Variants in ABCA12 observed in about 807,000 individuals in gnomAD.
The protein encoded by ABCA12 is glucosylceramide transporter ABCA12.
In ABCA12, 156 loss-of-function variants were observed where a neutral mutation model predicts 293.5. The observed-to-expected ratio is 0.53, with a 90% CI of 0.47 to 0.61. ABCA12 has a LOEUF of 0.61. ABCA12 is among the 20% of genes least tolerant of loss of function. The pLI, the probability that ABCA12 is intolerant of heterozygous loss-of-function variation, is 0.00. For synonymous variants in ABCA12, 1,063 were observed against 1,108.0 expected, an observed-to-expected ratio of 0.96 and a Z score of 0.81; for missense variants, 2,797 against 3,090.2, an observed-to-expected ratio of 0.91 and a Z score of 2.25.
At chr2:215,078,307 A>G (rs10197776) in intron 2 of ABCA12, among the ~76,000 whole-genome samples, 2,978 of 152,276 alleles carry the variant, frequency 0.02, 116 homozygotes, top group African/African-American at 0.068. Flanking sequence ...TCATTGGCAA[A>G]CTCAGGCCAG....
rs141042336 is a variant in ABCA12 at position 215,010,466 on chromosome 2, T to A, written c.2337A>T (p.Pro779=). Residue 779 remains proline, a synonymous_variant, in exon 18 of 53, where the codon CCA becomes CCT. Transcript: ENST00000272895. ...SKYGIPINST[P]FCFSLYKDII... ...TGTCTTTATAAAGGGAGAAGCAAAA[T>A]GGTGCTGGAAGGAAAAAGTGAAATA... The A allele has an allele frequency of 1.9e-5, 30 of 1,613,328 alleles. No homozygotes were observed. The African/African-American group carries it at 3.6e-4, about 19-fold the overall frequency.
At chr2:215,085,967 G>A (rs1347077380) in intron 2 of ABCA12, among the ~76,000 whole-genome samples, 1 of 152,212 alleles carries the variant, frequency 6.6e-6, no homozygotes, top group Non-Finnish European at 1.5e-5. Flanking sequence ...GAAGAAGTCA[G>A]GATCTCTGGA....
intron 50 of ABCA12, among the ~76,000 whole-genome samples, chr2:214,939,612 C>T (rs1279807068): frequency 1.3e-5 from 2 of 152,044 alleles, no homozygotes; most frequent in African/African-American, 4.8e-5. Flanking sequence ...AATGTTTTTC[C>T]ATTTGTTTGT....
chr2:214,947,064 A>T (rs953481820), intron 48 of ABCA12, among the ~76,000 whole-genome samples: 1 of 152,162 alleles, frequency 6.6e-6, no homozygotes, highest in Admixed American at 6.6e-5. Context: ...TAACAGAAAA[A>T]GAGAGATGAT....
In ABCA12 at chr2:215,011,613, C is replaced by A. The variant is rs746892821; in HGVS notation, c.2158G>T (p.Gly720Ter). 1.9e-6 allele frequency: 3 copies of A among 1,614,020 alleles called. No homozygotes were observed. In the Admixed American group the frequency reaches 5.0e-5, roughly 27 times the overall value. ...GCTTGGGAGATGGTGCTAAATGATC[C>A]TTGTGGTGTGTTCATTCGGTTGCTT... ...YRSNRMNTPQ[G>*]SFSTISQALC... is the part of the protein sequence containing the mutation. Residue 720 changes from glycine to a stop codon, truncating the protein, a stop_gained, in exon 17 of 53, where the codon GGA becomes TGA. Coordinates refer to ENST00000272895, the MANE Select transcript of ABCA12 (RefSeq NM_173076.3). LOFTEE classifies it high-confidence loss of function.
intron 17 of ABCA12, 134 bp from the exon 18 acceptor site, chr2:215,010,604 G>T: frequency 9.8e-7 from 1 of 1,020,988 alleles, no homozygotes; most frequent in Non-Finnish European, 1.5e-6. Context: ...ATTAACAGAT[G>T]TGAGGCATCT....
intron 2 of ABCA12, among the ~76,000 whole-genome samples, chr2:215,095,371 A>T (rs1013764845): frequency 2.0e-5 from 3 of 152,020 alleles, no homozygotes; most frequent in African/African-American, 7.2e-5. Flanking sequence ...TCTTATTCGG[A>T]CCTTGTGTCT....
intron 23 of ABCA12, among the ~76,000 whole-genome samples, chr2:214,992,728 G>T (rs1036623163): frequency 6.6e-6 from 1 of 151,752 alleles, no homozygotes; most frequent in Non-Finnish European, 1.5e-5. Context: ...CGGGCATGGT[G>T]GTGGTGCCTG....
At chr2:214,986,505 T>C in intron 28 of ABCA12, 37 bp downstream of exon 28, 2 of 1,592,574 alleles carry the variant, frequency 1.3e-6, no homozygotes, top group Middle Eastern at 3.3e-4. Context: ...TTTTGTAACA[T>C]GCTTCCATGG....
At position 214,974,997 on chromosome 2, in the gene ABCA12, G is replaced by A. The variant is rs186312029; in HGVS notation, c.5382-133C>T. On this transcript the variant is annotated intron_variant, in intron 34 of 52. Coordinates refer to ENST00000272895, the MANE Select transcript of ABCA12 (RefSeq NM_173076.3). ...TTCTTTTTTGAGACAGAGTCTTGCCGTGTTGCCCAGGCTGGAGTGCAGTAG... is the reference window on the plus strand; with the variant it reads ...TTCTTTTTTGAGACAGAGTCTTGCCATGTTGCCCAGGCTGGAGTGCAGTAG... The A allele has an allele frequency of 9.3e-4, 743 of 797,958 alleles. 2 individuals are homozygous for A. Among genetic ancestry groups the A allele is most frequent in the South Asian group, 5.6e-3 (374 of 67,090 alleles). The allele number at this position is 797,958 out of a possible 1,614,324, so 49.4% of individuals were successfully genotyped here.
chr2:215,023,959 C>T lies in ABCA12; in HGVS notation c.1287+1714G>A, dbSNP rs376816765. On this transcript the variant is annotated intron_variant, in intron 11 of 52. Transcript: ENST00000272895. ...CAAGGAAGTCAGGATCTAGGCTCAG[C>T]CTCACCCTGCAGCCCTGTTTTCTGC... 1.4e-4 allele frequency among the ~76,000 whole-genome samples: 21 copies of T among 152,292 alleles called. No homozygotes were observed. The East Asian group carries it at 1.7e-3, about 13-fold the overall frequency.
At chr2:215,025,213 A>G (rs1483316893) in intron 11 of ABCA12, 2 of 154,030 alleles carry the variant, frequency 1.3e-5, no homozygotes, top group African/African-American at 2.4e-5. Flanking sequence ...ATAAATGTGC[A>G]TACTCTAATT....
intron 1 of ABCA12, among the ~76,000 whole-genome samples, chr2:215,120,411 A>G (rs1181187379): frequency 2.0e-5 from 3 of 152,206 alleles, no homozygotes; most frequent in Non-Finnish European, 4.4e-5. Flanking sequence ...AAAAATAATT[A>G]CAGCTAGTTG....
intron 1 of ABCA12, among the ~76,000 whole-genome samples, chr2:215,121,417 CT>C (rs903027495): frequency 2.6e-5 from 4 of 152,178 alleles, no homozygotes; most frequent in Non-Finnish European, 5.9e-5. Context: ...TACACTCTCT[CT>C]TTTTTCCTTT....
chr2:215,053,164 T>C lies in ABCA12; in HGVS notation c.410-580A>G, dbSNP rs188464347. ...CTAATTAAGTAATTCCCAATGCATC[T>C]ACATCTAGTATTATTTATTTATGAT... On this transcript the variant is annotated intron_variant, in intron 4 of 52. Coordinates refer to ENST00000272895, the MANE Select transcript of ABCA12 (RefSeq NM_173076.3). Among the ~76,000 whole-genome samples, 12 of 152,252 alleles carry C rather than the reference T, an allele frequency of 7.9e-5. No homozygotes were observed. In the East Asian group the frequency reaches 1.5e-3, roughly 20 times the overall value.
rs1702068421 is a variant in ABCA12, at chr2:215,087,614, TAG to T, written c.164-23397_164-23396del. On this transcript the variant is annotated intron_variant, in intron 2 of 52. Coordinates refer to ENST00000272895, the MANE Select transcript of ABCA12 (RefSeq NM_173076.3). ...ATTGGCATGATTCTTCTTACGCTAA[TAG>T]AGTCATGCACAGGGTATGATATTAA... Among the ~76,000 whole-genome samples the T allele has an allele frequency of 2.6e-5, 4 of 152,094 alleles. No homozygotes were observed. The South Asian group carries it at 8.3e-4, about 32-fold the overall frequency.
chr2:215,014,573 T>C lies in ABCA12; in HGVS notation c.1956+917A>G, dbSNP rs116235884. Among the ~76,000 whole-genome samples, 950 of 152,234 alleles carry C rather than the reference T, an allele frequency of 6.2e-3. 10 individuals carry two copies. The highest frequency in any genetic ancestry group is 0.021 in the African/African-American group (889 of 41,542). ...AGTTTTGAGCAGAAGGGTGATATAA[T>C]GAGACTTTAAGTTTTAAAAGGATCA... On this transcript the variant is annotated intron_variant, in intron 15 of 52. Transcript: ENST00000272895.
chr2:215,033,823 C>A (rs569123965), intron 8 of ABCA12, among the ~76,000 whole-genome samples: 30 of 152,108 alleles, frequency 2.0e-4, no homozygotes, highest in Admixed American at 1.4e-3. Flanking sequence ...TGCCTGTAGT[C>A]CCAGGTACTT....
chr2:215,057,786 T>C (rs1225090300), intron 3 of ABCA12, among the ~76,000 whole-genome samples: 1 of 151,992 alleles, frequency 6.6e-6, no homozygotes, highest in Non-Finnish European at 1.5e-5. Context: ...AAAGCAACTT[T>C]TTTTAAATGG....
Sources: allele counts gnomAD v4.1 joint callset (sites outside exome capture counted in the v4.1 genomes callset), GRCh38; gene constraint gnomAD v4.1.1; transcripts MANE v1.5; gene names NCBI Gene and HGNC (gene_info 2026-07-23, HGNC 2026-07-21).